SP140: variants seen among roughly 807,000 people sequenced by gnomAD.
SP140 encodes nuclear body protein SP140.
In SP140, 81 loss-of-function variants were observed where a neutral mutation model predicts 125.0. The ratio of observed to expected loss-of-function variants is 0.65; its 90% CI spans 0.54 to 0.78. The LOEUF is 0.78. Among genes scored for constraint, SP140 ranks in the 30% least tolerant of loss-of-function variants. The probability of loss-of-function intolerance (pLI) is 0.00; values close to 1 mark genes in which losing one functional copy is unlikely to be tolerated. For missense variants in SP140, 858 were observed against 1,037.0 expected, an observed-to-expected ratio of 0.83 and a Z score of 2.37; for synonymous variants, 312 against 354.0, an observed-to-expected ratio of 0.88 and a Z score of 1.33.
intron 21 of SP140, 140 bp downstream of exon 21, chr2:230,294,458 G>C: frequency 1.6e-6 from 1 of 629,296 alleles, no homozygotes. Context: ...AATACTTTTT[G>C]CATGTATTCC....
At chr2:230,233,238 C>A (rs1402205348) in intron 1 of SP140, among the ~76,000 whole-genome samples, 1 of 151,954 alleles carries the variant, frequency 6.6e-6, no homozygotes, top group African/African-American at 2.4e-5. Context: ...TAACTGAGAC[C>A]ATCAAATTTA....
intron 11 of SP140, 64 bp from the exon 12 acceptor site, chr2:230,255,388 T>C: frequency 1.3e-6 from 2 of 1,581,110 alleles, no homozygotes; most frequent in South Asian, 2.2e-5. Flanking sequence ...CACTAAGTTT[T>C]CTCTTCATGA....
chr2:230,280,201 G>A (rs1195699240), intron 15 of SP140, among the ~76,000 whole-genome samples: 1 of 151,944 alleles, frequency 6.6e-6, no homozygotes, highest in African/African-American at 2.4e-5. Flanking sequence ...TAAATATTTT[G>A]AGGCTATTTA....
chr2:230,260,601 T>C (rs577630939), intron 12 of SP140, among the ~76,000 whole-genome samples: 13 of 152,360 alleles, frequency 8.5e-5, no homozygotes, highest in African/African-American at 3.1e-4. Context: ...CCTTGATCCA[T>C]CTTGAGTTGA....
intron 18 of SP140, among the ~76,000 whole-genome samples, chr2:230,288,762 T>A (rs2056784552): frequency 6.6e-6 from 1 of 152,148 alleles, no homozygotes; most frequent in African/African-American, 2.4e-5. Flanking sequence ...GAATGATGGT[T>A]TCCAGCTTCA....
intron 3 of SP140, among the ~76,000 whole-genome samples, chr2:230,239,978 C>T (rs1166984893): frequency 2.0e-5 from 3 of 152,180 alleles, no homozygotes; most frequent in Admixed American, 1.3e-4. Context: ...GCATCCACAT[C>T]TCATATGTTA....
chr2:230,233,064 T>C (rs1030065625), intron 1 of SP140, among the ~76,000 whole-genome samples: 1 of 152,182 alleles, frequency 6.6e-6, no homozygotes, highest in East Asian at 1.9e-4. Flanking sequence ...GTTTTAAATA[T>C]CTTGTTGCTT....
intron 3 of SP140, chr2:230,220,203 G>A: frequency 2.8e-6 from 1 of 358,200 alleles, no homozygotes; most frequent in Non-Finnish European, 3.9e-6. Flanking sequence ...ATGGGAGGAG[G>A]AGGCATAAGG....
At position 230,237,025 on chromosome 2, in the gene SP140, C is replaced by A; in HGVS notation, c.60-58C>A. 7.2e-7 allele frequency: 1 copy of A among 1,392,236 alleles called. No homozygotes were observed. Among genetic ancestry groups the A allele is most frequent in the East Asian group, 2.5e-5 (1 of 40,354 alleles). The allele number at this position is 1,392,236 out of a possible 1,614,324, so 86.2% of individuals were successfully genotyped here. On this transcript the variant is annotated intron_variant, in intron 1 of 26. Coordinates refer to ENST00000392045, the MANE Select transcript of SP140 (RefSeq NM_007237.5). The surrounding 1 kb of genome is among the most constrained non-coding windows in gnomAD (Gnocchi z 5.4). The stretch of plus-strand genomic sequence containing the variant: ...TCCTTCATGTCTAAAATCTTCTAAC[C>A]ACCACAAACCTCTTGGAAACTCAGT...
chr2:230,249,035 GT>G, intron 9 of SP140, 67 bp downstream of exon 9: 1 of 1,310,066 alleles, frequency 7.6e-7, no homozygotes, highest in Non-Finnish European at 1.1e-6. Flanking sequence ...TGGAAAAAAA[GT>G]TTCCCTTTCT....
chr2:230,259,045 C>T (rs751152338), intron 12 of SP140, among the ~76,000 whole-genome samples: 17 of 152,124 alleles, frequency 1.1e-4, no homozygotes, highest in South Asian at 2.1e-4. Context: ...ATGTCTGTCA[C>T]GTTTTGAAGT....
At chr2:230,198,891 C>T (rs1296761261), upstream of SP140, among the ~76,000 whole-genome samples, 2 of 152,162 alleles carry the variant, frequency 1.3e-5, no homozygotes, top group African/African-American at 2.4e-5. Context: ...AAATTACTAT[C>T]TGTGACCGGA....
the SP140 span, among the ~76,000 whole-genome samples, chr2:230,197,841 C>A: frequency 6.6e-6 from 1 of 152,084 alleles, no homozygotes; most frequent in Non-Finnish European, 1.5e-5. Context: ...TGTTTTGAGA[C>A]AGGGTCTTAC....
chr2:230,244,783 C>A (rs183487946), intron 5 of SP140, among the ~76,000 whole-genome samples: 1 of 151,852 alleles, frequency 6.6e-6, no homozygotes, highest in Non-Finnish European at 1.5e-5. Flanking sequence ...TGTGTGGTAA[C>A]CAAAAAGTGA....
chr2:230,273,701 G>T (rs1418002192), intron 15 of SP140, among the ~76,000 whole-genome samples: 1 of 152,132 alleles, frequency 6.6e-6, no homozygotes, highest in Non-Finnish European at 1.5e-5. Flanking sequence ...CAACCTAAAT[G>T]TCCAGCAATG....
At chr2:230,214,033 A>G (rs931606595) in exon 3 of SP140, 2 of 152,240 alleles carry the variant, frequency 1.3e-5, no homozygotes, top group Admixed American at 1.3e-4. Context: ...ACTAATGAAA[A>G]TATCCAATGT....
At chr2:230,190,628 G>A in the SP140 span, among the ~76,000 whole-genome samples, 460 of 152,072 alleles carry the variant, frequency 3.0e-3, 4 homozygotes, top group African/African-American at 0.01. Flanking sequence ...TGAAGACTTT[G>A]CCCATGCCTA....
chr2:230,210,126 T>C, intron 1 of SP140: 4 of 769,738 alleles, frequency 5.2e-6, no homozygotes, highest in Non-Finnish European at 4.7e-6. Flanking sequence ...GCCGGGAATC[T>C]GCTTGCCCTA....
chr2:230,202,774 G>A (rs201638051), upstream of SP140: 29 of 1,594,894 alleles, frequency 1.8e-5, no homozygotes, highest in Non-Finnish European at 2.5e-5. Flanking sequence ...GGGGTCTTCA[G>A]TGAGCCTCCT....
Sources: allele counts gnomAD v4.1 joint callset (sites outside exome capture counted in the v4.1 genomes callset), GRCh38; gene constraint gnomAD v4.1.1; non-coding constraint Gnocchi (gnomAD v3.1); transcripts MANE v1.5; gene names NCBI Gene and HGNC (gene_info 2026-07-23, HGNC 2026-07-21).